The following L3MBTL2 variants were observed in gnomAD, a reference collection of about 807,000 sequenced individuals.
The protein encoded by L3MBTL2 is lethal(3)malignant brain tumor-like protein 2.
L3MBTL2 carries 49 observed loss-of-function variants against 86.4 expected under a neutral mutation model. The ratio of observed to expected loss-of-function variants is 0.57; its 90% CI spans 0.45 to 0.72. L3MBTL2 has a LOEUF of 0.72. Among genes scored for constraint, L3MBTL2 ranks in the 30% least tolerant of loss-of-function variants. L3MBTL2 has a pLI of 0.00. For missense variants in L3MBTL2, 755 were observed against 923.7 expected (o/e 0.82, Z 2.37); for synonymous variants, 336 against 350.6 (o/e 0.96, Z 0.47).
In L3MBTL2 at chr22:41,225,719, T is replaced by G; in HGVS notation, c.1357-75T>G. ...TGGATCCATTTGCCTCGTGTCCCTA[T>G]TGGGGTGCGGTACCAACCCAGGATG... On this transcript the variant is annotated intron_variant, in intron 11 of 16. Coordinates refer to ENST00000216237, the MANE Select transcript of L3MBTL2 (RefSeq NM_031488.5). This position sits in a 1 kb window ranked among gnomAD's most constrained non-coding sequence, Gnocchi z 4.1. 1 of 1,495,982 alleles carries G rather than the reference T, an allele frequency of 6.7e-7. No homozygotes were observed. Among genetic ancestry groups the G allele is most frequent in the Non-Finnish European group, 9.1e-7 (1 of 1,095,854 alleles). The allele number at this position is 1,495,982 out of a possible 1,614,324, so 92.7% of individuals were successfully genotyped here. A position where few individuals can be genotyped will look rare whatever the true frequency, so the allele number is the denominator to read the frequency against.
rs1034276144 is a variant in L3MBTL2 at position 41,226,806 on chromosome 22, C to CT, written c.1587+63dup. ...GCCTCAGGACAGGCCCTGCCTGCTGCTGTCAGTGGTGGCAGTTCCTACTCT... is the reference window on the plus strand; with the variant it reads ...GCCTCAGGACAGGCCCTGCCTGCTGCTTGTCAGTGGTGGCAGTTCCTACTCT... On this transcript the variant is annotated intron_variant, in intron 13 of 16. Coordinates refer to ENST00000216237, the MANE Select transcript of L3MBTL2 (RefSeq NM_031488.5). The CT allele has an allele frequency of 6.7e-5, 80 of 1,199,904 alleles. No homozygotes were observed. The African/African-American group carries it at 1.2e-3, about 18-fold the overall frequency. 74.3% of individuals were successfully genotyped at this position (1,199,904 alleles called of 1,614,324 possible). A position where few individuals can be genotyped will look rare whatever the true frequency, so the allele number is the denominator to read the frequency against.
chr22:41,209,559 A>T (rs1464433987), intron 1 of L3MBTL2, 137 bp from the exon 2 acceptor site: 1 of 699,244 alleles, frequency 1.4e-6, no homozygotes, highest in African/African-American at 1.8e-5. Flanking sequence ...AGAAGTAATG[A>T]TCTTGGTGTT....
At chr22:41,215,651 C>A (rs556779971) in intron 3 of L3MBTL2, among the ~76,000 whole-genome samples, 29 of 152,150 alleles carry the variant, frequency 1.9e-4, no homozygotes, top group African/African-American at 7.0e-4. Context: ...TATGTGGACC[C>A]TCTCCCGAAC....
In L3MBTL2 at chr22:41,225,690, C is replaced by A; in HGVS notation, c.1357-104C>A. ...CTCCAGGAGGGCCATGCCCTAGATC[C>A]GTTTGGATCCATTTGCCTCGTGTCC... On this transcript the variant is annotated intron_variant, in intron 11 of 16. Coordinates refer to ENST00000216237, the MANE Select transcript of L3MBTL2 (RefSeq NM_031488.5). This position sits in a 1 kb window ranked among gnomAD's most constrained non-coding sequence, Gnocchi z 4.1. 1 of 1,252,400 alleles carries A rather than the reference C, an allele frequency of 8.0e-7. No homozygotes were observed. The highest frequency in any genetic ancestry group is 2.5e-5 in the East Asian group (1 of 40,634). 77.6% of individuals were successfully genotyped at this position (1,252,400 alleles called of 1,614,324 possible). A position where few individuals can be genotyped will look rare whatever the true frequency, so the allele number is the denominator to read the frequency against.
At position 41,225,083 on chromosome 22, in the gene L3MBTL2, G is replaced by A; in HGVS notation, c.1356+12G>A. On this transcript the variant is annotated intron_variant, in intron 11 of 16. Coordinates refer to ENST00000216237, the MANE Select transcript of L3MBTL2 (RefSeq NM_031488.5). The surrounding 1 kb of genome is among the most constrained non-coding windows in gnomAD (Gnocchi z 4.1). ...CAACTGTCTGTAAGGTGAGCCAGGG[G>A]CCGGCTCTCCAGCCTCCAGATTTCT... 1 of 1,605,462 alleles carries A rather than the reference G, an allele frequency of 6.2e-7. No homozygotes were observed. Among genetic ancestry groups the A allele is most frequent in the Non-Finnish European group, 8.5e-7 (1 of 1,173,854 alleles).
chr22:41,227,816 C>T lies in L3MBTL2; in HGVS notation c.1835C>T (p.Pro612Leu), dbSNP rs141881945. 2.2e-5 allele frequency: 35 copies of T among 1,613,780 alleles called. No homozygotes were observed. The highest frequency in any genetic ancestry group is 1.7e-4 in the African/African-American group (13 of 75,018). The part of the protein sequence containing the change: ...QPPVAAEPAT[P>L]LKAKEATKKK... ...CTTTCAACAACAGAACCGGCCACACCGCTGAAGGCCAAAGAGGCCACAAAG... is the reference window on the plus strand; with the variant it reads ...CTTTCAACAACAGAACCGGCCACACTGCTGAAGGCCAAAGAGGCCACAAAG... Residue 612 changes from proline (P) to leucine (L), a missense_variant, in exon 15 of 17, where the codon CCG (proline) becomes CTG (leucine). Physicochemically the swap from Pro to Leu is moderately conservative, Grantham distance 98. This residue lies in a region of L3MBTL2 where 634 missense variants were observed against 748.9 expected (regional missense o/e 0.85). Transcript: ENST00000216237. The surrounding 1 kb of genome is among the most constrained non-coding windows in gnomAD (Gnocchi z 6.0).
Position 41,224,948 on chromosome 22 carries a change from G to A in L3MBTL2, c.1252-19G>A. On this transcript the variant is annotated intron_variant, in intron 10 of 16. Transcript: ENST00000216237. This position sits in a 1 kb window ranked among gnomAD's most constrained non-coding sequence, Gnocchi z 4.9. ...TCCTGGCCTGCCCAGGGAGTCCCCAGCTGTCCCATTCCTTTAAGGTACGAG... is the reference window on the plus strand; with the variant it reads ...TCCTGGCCTGCCCAGGGAGTCCCCAACTGTCCCATTCCTTTAAGGTACGAG... 2 of 1,608,754 alleles carry A rather than the reference G, an allele frequency of 1.2e-6. No homozygotes were observed. Among genetic ancestry groups the A allele is most frequent in the Non-Finnish European group, 1.7e-6 (2 of 1,175,894 alleles).
At chr22:41,217,311 C>A in intron 5 of L3MBTL2, 109 bp downstream of exon 5, 2 of 782,556 alleles carry the variant, frequency 2.6e-6, no homozygotes, top group Admixed American at 2.1e-5. Flanking sequence ...GTGGGGAGGT[C>A]TGGGCAGGAG....
In L3MBTL2 at chr22:41,230,960, T is replaced by A. The variant is rs2032557659; in HGVS notation, c.*709T>A. On this transcript the variant is annotated 3_prime_UTR_variant, in exon 17 of 17. Transcript: ENST00000216237. ...AAGGAAATGCCCCCGGGGAGGACAT[T>A]GGGAGGAAGATGGCCTGAGTGTGCA... The A allele has an allele frequency of 6.6e-6, 1 of 152,188 alleles. No individual in the cohort carries two copies. Among genetic ancestry groups the A allele is most frequent in the Non-Finnish European group, 1.5e-5 (1 of 68,032 alleles). The allele number at this position is 152,188 out of a possible 1,614,324, so 9.4% of individuals were successfully genotyped here.
chr22:41,229,716 C>T, intron 16 of L3MBTL2, 60 bp downstream of exon 16: 1 of 1,612,252 alleles, frequency 6.2e-7, no homozygotes, highest in East Asian at 2.2e-5. Context: ...AGAGACGACC[C>T]TTCTCCTTCC....
chr22:41,222,029 G>A (rs180759754), intron 8 of L3MBTL2, among the ~76,000 whole-genome samples: 37 of 152,250 alleles, frequency 2.4e-4, no homozygotes, highest in Non-Finnish European at 4.1e-4. Context: ...CTCCCGAGTA[G>A]TTGGGATTAC....
At chr22:41,214,263 C>T (rs889974910) in intron 3 of L3MBTL2, 12 of 407,082 alleles carry the variant, frequency 2.9e-5, no homozygotes, top group African/African-American at 2.2e-4. Flanking sequence ...CTGGTGTATT[C>T]AGTACATTTT....
intron 6 of L3MBTL2, among the ~76,000 whole-genome samples, chr22:41,220,016 C>T (rs576554038): frequency 8.0e-4 from 122 of 152,158 alleles, no homozygotes; most frequent in African/African-American, 2.9e-3. Flanking sequence ...GGATTATAGG[C>T]GTGAGCCACC....
chr22:41,221,185 T>G lies in L3MBTL2; in HGVS notation c.854-14T>G, dbSNP rs1168282175. 1 of 1,540,678 alleles carries G rather than the reference T, an allele frequency of 6.5e-7. No homozygotes were observed. The highest frequency in any genetic ancestry group is 2.0e-5 in the Admixed American group (1 of 50,696). On this transcript the variant is annotated splice_polypyrimidine_tract_variant and intron_variant, in intron 7 of 16. Coordinates refer to ENST00000216237, the MANE Select transcript of L3MBTL2 (RefSeq NM_031488.5). Reference sequence around the variant, plus strand: ...TCAGTCTGTGTAACCAGGATTCTGCTGGTGCCTCCACAGCCATCCATGCCA... The same window carrying G: ...TCAGTCTGTGTAACCAGGATTCTGCGGGTGCCTCCACAGCCATCCATGCCA...
intron 3 of L3MBTL2, among the ~76,000 whole-genome samples, chr22:41,215,630 A>G (rs76784986): frequency 4.0e-5 from 4 of 101,036 alleles, no homozygotes; most frequent in Non-Finnish European, 8.2e-5. Flanking sequence ...GTCCTCTCCC[A>G]AACATTCGCC....
In L3MBTL2 at chr22:41,223,503, G is replaced by A. The variant is rs143776921; in HGVS notation, c.943-517G>A. ...GCTGCAGCCCATCAGGGTCAGAAAG[G>A]GACACAGGAAGACTCAGTTCTCTGG... On this transcript the variant is annotated intron_variant, in intron 8 of 16. Coordinates refer to ENST00000216237, the MANE Select transcript of L3MBTL2 (RefSeq NM_031488.5). Among the ~76,000 whole-genome samples, 1,490 of 152,238 alleles carry A rather than the reference G, an allele frequency of 9.8e-3. 59 individuals carry two copies. The highest frequency in any genetic ancestry group is 0.078 in the Admixed American group (1,198 of 15,278).
At position 41,227,115 on chromosome 22, in the gene L3MBTL2, G is replaced by A; in HGVS notation, c.1614G>A (p.Val538=). Residue 538 remains valine (V), a synonymous_variant, in exon 14 of 17, where the codon GTG becomes GTA. Transcript: ENST00000216237. The surrounding 1 kb of genome is among the most constrained non-coding windows in gnomAD (Gnocchi z 6.0). ...ATTGCCCAAACCATGGCTTCAAGGTGGGCATGAAGCTGGAGGCCGTGGACC... is the reference window on the plus strand; with the variant it reads ...ATTGCCCAAACCATGGCTTCAAGGTAGGCATGAAGCTGGAGGCCGTGGACC... ...NMDCPNHGFK[V]GMKLEAVDLM... is the part of the protein sequence containing the mutation. 6.2e-7 allele frequency: 1 copy of A among 1,613,290 alleles called. No homozygotes were observed.
intron 1 of L3MBTL2, among the ~76,000 whole-genome samples, chr22:41,208,839 G>A (rs973713928): frequency 3.3e-5 from 5 of 152,078 alleles, no homozygotes; most frequent in Admixed American, 6.6e-5. Context: ...CACCTCCCGG[G>A]TTCAAGCAAT....
At chr22:41,229,075 T>C (rs2032397769) in intron 15 of L3MBTL2, among the ~76,000 whole-genome samples, 1 of 151,820 alleles carries the variant, frequency 6.6e-6, no homozygotes, top group Non-Finnish European at 1.5e-5. Flanking sequence ...CTGGGCAACA[T>C]AGCGAGACCC....
Sources: gnomAD v4.1 joint callset for allele counts (sites outside exome capture counted in the v4.1 genomes callset) on GRCh38, gnomAD v4.1.1 for gene constraint, gnomAD v4.1.1 regional missense constraint, Gnocchi (gnomAD v3.1) non-coding constraint, MANE v1.5 for transcripts, NCBI Gene and HGNC (gene_info 2026-07-23, HGNC 2026-07-21) for gene names.